The following PIK3R3 variants were observed in gnomAD, a reference collection of about 807,000 sequenced individuals.
PIK3R3 encodes phosphoinositide-3-kinase regulatory subunit 3.
Under a neutral mutation model 62.9 loss-of-function variants are expected in PIK3R3, and 64 were observed. That is an observed-to-expected ratio of 1.02 (90% CI 0.83 to 1.25). PIK3R3 has a LOEUF of 1.25. Among genes scored for constraint, PIK3R3 ranks in the 50% most tolerant of loss-of-function variants. The probability of loss-of-function intolerance (pLI) is 0.00; values close to 1 mark genes in which losing one functional copy is unlikely to be tolerated. For synonymous variants in PIK3R3, 165 were observed against 189.0 expected (o/e 0.87, Z 1.04); for missense variants, 614 against 561.6 (o/e 1.09, Z -0.94).
At chr1:46,134,652 A>G (rs755141450), upstream of PIK3R3, 1 of 152,242 alleles carries the variant, frequency 6.6e-6, no homozygotes, top group Non-Finnish European at 1.5e-5. Flanking sequence ...CAATCAGTCA[A>G]GGGTGGGTTG....
At chr1:46,087,272 A>G (rs984290651) in intron 1 of PIK3R3, among the ~76,000 whole-genome samples, 2 of 152,138 alleles carry the variant, frequency 1.3e-5, no homozygotes, top group African/African-American at 4.8e-5. Flanking sequence ...TAATAATAAA[A>G]AAAAGAAAGA....
At chr1:46,106,012 C>A (rs6696284) in intron 1 of PIK3R3, among the ~76,000 whole-genome samples, 32,100 of 152,056 alleles carry the variant, frequency 0.21, 3,776 homozygotes, top group Non-Finnish European at 0.26. Context: ...TTACACATGG[C>A]AATTATAGGC....
intron 9 of PIK3R3, 81 bp downstream of exon 9, chr1:46,045,837 C>A: frequency 1.6e-6 from 2 of 1,270,102 alleles, no homozygotes; most frequent in Non-Finnish European, 2.3e-6. Context: ...TAACTAATTT[C>A]ATCTGAATTT....
intron 9 of PIK3R3, among the ~76,000 whole-genome samples, chr1:46,045,538 G>C (rs1191435311): frequency 4.2e-5 from 6 of 141,650 alleles, no homozygotes; most frequent in African/African-American, 1.6e-4. Context: ...AGTAAAAACA[G>C]TTCTATTTAA....
chr1:46,065,829 C>A (rs1486465802), intron 5 of PIK3R3, among the ~76,000 whole-genome samples: 15 of 152,120 alleles, frequency 9.9e-5, no homozygotes, highest in Admixed American at 5.2e-4. Context: ...CTATCTGAAG[C>A]CTTTGGTTTT....
At chr1:46,046,683 G>C in intron 7 of PIK3R3, 58 bp from the exon 8 acceptor site, 2 of 1,219,420 alleles carry the variant, frequency 1.6e-6, no homozygotes, top group Non-Finnish European at 2.4e-6. Context: ...GGACAAAGTA[G>C]GTATGTCTGA....
At chr1:46,164,638 C>CA in the PIK3R3 span, among the ~76,000 whole-genome samples, 164 of 152,042 alleles carry the variant, frequency 1.1e-3, 3 homozygotes, top group Admixed American at 9.4e-3. Context: ...TCAACAACAA[C>CA]AAAAAAAACT....
At chr1:46,125,634 C>T (rs906998452) in intron 1 of PIK3R3, among the ~76,000 whole-genome samples, 1 of 152,130 alleles carries the variant, frequency 6.6e-6, no homozygotes, top group Admixed American at 6.6e-5. Context: ...TCAAGGTAAG[C>T]AAATAAGCTT....
chr1:46,140,820 T>G, the PIK3R3 span, among the ~76,000 whole-genome samples: 625 of 151,806 alleles, frequency 4.1e-3, 1 homozygote, highest in African/African-American at 0.013. Flanking sequence ...AAACTTGTGG[T>G]TTTTTTTGTT....
chr1:46,123,718 A>G (rs1654862195), intron 1 of PIK3R3, among the ~76,000 whole-genome samples: 2 of 152,222 alleles, frequency 1.3e-5, no homozygotes, highest in Admixed American at 1.3e-4. Context: ...TACTAAACCT[A>G]AGTCTCAGTT....
At chr1:46,143,375 AT>A in the PIK3R3 span, among the ~76,000 whole-genome samples, 3 of 151,924 alleles carry the variant, frequency 2.0e-5, no homozygotes, top group African/African-American at 7.2e-5. Context: ...GTTACATGTG[AT>A]TTTTTTTAGT....
intron 1 of PIK3R3, among the ~76,000 whole-genome samples, chr1:46,082,956 G>A (rs1650740293): frequency 6.6e-6 from 1 of 152,150 alleles, no homozygotes; most frequent in Admixed American, 6.5e-5. Context: ...GTGCACACCT[G>A]TAATCCCAGC....
intron 9 of PIK3R3, among the ~76,000 whole-genome samples, chr1:46,045,446 T>C (rs72677518): frequency 0.2 from 31,007 of 151,980 alleles, 3,634 homozygotes; most frequent in Non-Finnish European, 0.26. Flanking sequence ...GATTATCTTA[T>C]GGAAAACACG....
chr1:46,056,610 T>C (rs530508536), intron 6 of PIK3R3: 1 of 152,218 alleles, frequency 6.6e-6, no homozygotes, highest in Admixed American at 6.5e-5. Flanking sequence ...TTCTAGAACA[T>C]TTGCTAGAAC....
chr1:46,168,194 A>T, the PIK3R3 span, among the ~76,000 whole-genome samples: 1 of 151,956 alleles, frequency 6.6e-6, no homozygotes, highest in Admixed American at 6.6e-5. Flanking sequence ...AAAAAAAAAT[A>T]CCTATGCTAT....
chr1:46,169,606 T>A, the PIK3R3 span, among the ~76,000 whole-genome samples: 2 of 152,112 alleles, frequency 1.3e-5, no homozygotes, highest in Non-Finnish European at 2.9e-5. Flanking sequence ...TTGCCAAAGT[T>A]CACACAGCAG....
At chr1:46,123,622 C>T (rs1350417249) in intron 1 of PIK3R3, among the ~76,000 whole-genome samples, 10 of 152,128 alleles carry the variant, frequency 6.6e-5, no homozygotes, top group African/African-American at 1.4e-4. Flanking sequence ...TAGAAGAAAT[C>T]GGAAACAGAG....
chr1:46,062,080 GAGAAAA>G lies in PIK3R3; in HGVS notation c.622-15_622-10del. 1 of 1,577,614 alleles carries G rather than the reference GAGAAAA, an allele frequency of 6.3e-7. No individual in the cohort carries two copies. The highest frequency in any genetic ancestry group is 8.5e-7 in the Non-Finnish European group (1 of 1,169,860). ...CTCTTCATCTGTATTTCCTACAGGA[GAGAAAA>G]AGAAAAAACACAGGCTTCATTATCT... On this transcript the variant is annotated splice_polypyrimidine_tract_variant and intron_variant, in intron 5 of 9. Transcript: ENST00000262741.
chr1:46,067,277 T>TATATATATATATATATATATATATATAA (rs368368491), intron 3 of PIK3R3, among the ~76,000 whole-genome samples, 186 bp from the exon 4 acceptor site: 5 of 147,334 alleles, frequency 3.4e-5, no homozygotes, highest in South Asian at 2.1e-4. Context: ...TATATATATA[T>TATATATATATATATATATATATATATAA]AATTCATTTT....
Sources: gnomAD v4.1 joint callset for allele counts (sites outside exome capture counted in the v4.1 genomes callset) on GRCh38, gnomAD v4.1.1 for gene constraint, MANE v1.5 for transcripts, NCBI Gene and HGNC (gene_info 2026-07-23, HGNC 2026-07-21) for gene names.